The following PTPRM variants were observed in gnomAD, a reference collection of about 807,000 sequenced individuals.
PTPRM encodes receptor-type tyrosine-protein phosphatase mu.
PTPRM carries 47 observed loss-of-function variants against 186.7 expected under a neutral mutation model. That is an observed-to-expected ratio of 0.25 (90% confidence interval 0.20 to 0.32). The LOEUF (loss-of-function observed/expected upper bound fraction) is 0.32, where lower values mean the gene tolerates loss of function less well. PTPRM is among the 10% of genes least tolerant of loss of function. The probability of loss-of-function intolerance (pLI) is 1.00; values close to 1 mark genes in which losing one functional copy is unlikely to be tolerated. For synonymous variants in PTPRM, 668 were observed against 674.9 expected, an observed-to-expected ratio of 0.99 and a Z score of 0.16; for missense variants, 1,494 against 1,865.0, an observed-to-expected ratio of 0.80 and a Z score of 3.66.
chr18:8,219,079 T>C (rs889704804), intron 14 of PTPRM, among the ~76,000 whole-genome samples: 1 of 152,186 alleles, frequency 6.6e-6, no homozygotes, highest in Admixed American at 6.5e-5. Context: ...AGCTTCAGTG[T>C]TTATGCAAGT....
intron 19 of PTPRM, among the ~76,000 whole-genome samples, chr18:8,262,362 T>G (rs1025001996): frequency 1.3e-5 from 2 of 152,216 alleles, no homozygotes; most frequent in African/African-American, 4.8e-5. Context: ...ACGGATTCTT[T>G]CCAAAAATAA....
intron 22 of PTPRM, among the ~76,000 whole-genome samples, chr18:8,333,989 G>C (rs1026056124): frequency 1.3e-5 from 2 of 152,218 alleles, no homozygotes; most frequent in African/African-American, 4.8e-5. Flanking sequence ...GGGCTGACCT[G>C]AATTGGAATT....
At chr18:7,772,364 T>TTTCG (rs2042335768) in intron 1 of PTPRM, among the ~76,000 whole-genome samples, 1 of 70,696 alleles carries the variant, frequency 1.4e-5, no homozygotes, top group African/African-American at 4.2e-5. Context: ...TCTTTCTTTC[T>TTTCG]TTCTTTCTTT....
At chr18:7,932,050 T>C (rs1347330956) in intron 5 of PTPRM, among the ~76,000 whole-genome samples, 4 of 152,310 alleles carry the variant, frequency 2.6e-5, no homozygotes, top group South Asian at 4.1e-4. Context: ...CTTGTAATCG[T>C]TGTAGAGGTT....
At chr18:8,092,430 T>C (rs1179554499) in intron 11 of PTPRM, among the ~76,000 whole-genome samples, 1 of 152,056 alleles carries the variant, frequency 6.6e-6, no homozygotes, top group Non-Finnish European at 1.5e-5. Flanking sequence ...TATTCTTTTT[T>C]TGAGACAGGT....
At chr18:8,252,343 C>A in intron 17 of PTPRM, 145 bp from the exon 18 acceptor site, 1 of 716,448 alleles carries the variant, frequency 1.4e-6, no homozygotes, top group Non-Finnish European at 2.5e-6. Context: ...AGGCTTCGCC[C>A]TCTGACCACC....
At chr18:8,216,641 C>T (rs147974131) in intron 14 of PTPRM, among the ~76,000 whole-genome samples, 8 of 152,126 alleles carry the variant, frequency 5.3e-5, no homozygotes, top group Admixed American at 5.2e-4. Flanking sequence ...TTACCCCTTT[C>T]AAAAATTTTG....
At chr18:7,714,473 C>T (rs183765126) in intron 1 of PTPRM, among the ~76,000 whole-genome samples, 6 of 151,792 alleles carry the variant, frequency 4.0e-5, no homozygotes, top group Admixed American at 6.6e-5. Context: ...GAAGCAACAG[C>T]AAATAAATTC....
At chr18:8,301,644 C>T (rs1279298815) in intron 20 of PTPRM, among the ~76,000 whole-genome samples, 4 of 152,218 alleles carry the variant, frequency 2.6e-5, no homozygotes, top group East Asian at 1.9e-4. Flanking sequence ...TTGCTGAGTG[C>T]CTGTTATACA....
At position 7,606,315 on chromosome 18, in the gene PTPRM, TG is replaced by T. The variant is rs542771458; in HGVS notation, c.73+38426del. On this transcript the variant is annotated intron_variant, in intron 1 of 32. Coordinates refer to ENST00000580170, the MANE Select transcript of PTPRM (RefSeq NM_001105244.2). ...AGGCATCTTACTGTGGTTGCTTCTG[TG>T]GAAGAAGAGGCATCTTACCGTAGTG... 1.8e-4 allele frequency among the ~76,000 whole-genome samples: 28 copies of T among 152,136 alleles called. No individual in the cohort carries two copies. The South Asian group carries it at 5.4e-3, about 29-fold the overall frequency.
intron 1 of PTPRM, among the ~76,000 whole-genome samples, chr18:7,660,662 C>T (rs1598320722): frequency 1.3e-5 from 2 of 152,172 alleles, no homozygotes; most frequent in Non-Finnish European, 2.9e-5. Flanking sequence ...AGTGTCCACA[C>T]AAAACCTCTA....
chr18:8,250,695 A>G (rs547265232), intron 17 of PTPRM, among the ~76,000 whole-genome samples: 1 of 151,942 alleles, frequency 6.6e-6, no homozygotes, highest in Non-Finnish European at 1.5e-5. Context: ...AGGCTGAGGC[A>G]GGAGGATTGC....
At chr18:8,016,623 C>T (rs1312163040) in intron 7 of PTPRM, among the ~76,000 whole-genome samples, 1 of 151,662 alleles carries the variant, frequency 6.6e-6, no homozygotes, top group East Asian at 1.9e-4. Flanking sequence ...CTTTCTGGTA[C>T]ATTCAAAAGG....
intron 2 of PTPRM, among the ~76,000 whole-genome samples, chr18:7,789,184 G>T (rs1204720764): frequency 6.6e-6 from 1 of 152,094 alleles, no homozygotes; most frequent in African/African-American, 2.4e-5. Flanking sequence ...AATTAGTCAG[G>T]CATGTTGGCA....
At chr18:7,575,122 T>C (rs747429628) in intron 1 of PTPRM, among the ~76,000 whole-genome samples, 2 of 152,270 alleles carry the variant, frequency 1.3e-5, no homozygotes, top group Non-Finnish European at 2.9e-5. Flanking sequence ...AATTTTTCTC[T>C]GAACCCTCAA....
At position 8,121,456 on chromosome 18, in the gene PTPRM, T is replaced by C. The variant is rs116959385; in HGVS notation, c.2167+6629T>C. On this transcript the variant is annotated intron_variant, in intron 13 of 32. Transcript: ENST00000580170. The stretch of plus-strand genomic sequence containing the variant: ...TTTAATTTTCTATTTTTTTTAAATA[T>C]CTGTGTGTCATTAATGTTAACCACT... 4.9e-3 allele frequency among the ~76,000 whole-genome samples: 747 copies of C among 152,322 alleles called. 17 individuals carry two copies. The highest frequency in any genetic ancestry group is 0.037 in the Admixed American group (568 of 15,290).
chr18:8,340,313 G>A (rs1351604424), intron 22 of PTPRM, among the ~76,000 whole-genome samples: 2 of 152,120 alleles, frequency 1.3e-5, no homozygotes, highest in East Asian at 1.9e-4. Flanking sequence ...TTTTAACACC[G>A]AATTCTTTTT....
intron 14 of PTPRM, among the ~76,000 whole-genome samples, chr18:8,183,848 A>T (rs2093609331): frequency 6.6e-6 from 1 of 152,214 alleles, no homozygotes; most frequent in Admixed American, 6.5e-5. Context: ...TCTAGGTGGA[A>T]CCGGCCTGCC....
chr18:8,194,459 T>C (rs967558173), intron 14 of PTPRM, among the ~76,000 whole-genome samples: 11 of 152,210 alleles, frequency 7.2e-5, no homozygotes, highest in African/African-American at 2.4e-4. Context: ...AAGTTGTCCA[T>C]AGAGTAACTC....
Sources: allele counts gnomAD v4.1 joint callset (sites outside exome capture counted in the v4.1 genomes callset), GRCh38; gene constraint gnomAD v4.1.1; transcripts MANE v1.5; gene names NCBI Gene and HGNC (gene_info 2026-07-23, HGNC 2026-07-21).